Variants in SKI observed in about 807,000 individuals in gnomAD.
SKI encodes the protein ski oncogene.
A neutral mutation model predicts 59.3 loss-of-function variants in SKI; 23 were observed. That is an observed-to-expected ratio of 0.39 (90% CI 0.28 to 0.55). The LOEUF (loss-of-function observed/expected upper bound fraction) is 0.55. SKI is among the 20% of genes least tolerant of loss of function. SKI has a pLI of 0.67. For synonymous variants in SKI, 673 were observed against 488.6 expected, an observed-to-expected ratio of 1.38 and a Z score of -4.98; for missense variants, 1,017 against 1,038.9, an observed-to-expected ratio of 0.98 and a Z score of 0.29.
In SKI at chr1:2,229,687, G is replaced by A. The variant is rs1557807513; in HGVS notation, c.921G>A (p.Val307=). Reference sequence around the variant, plus strand: ...GCCTCGGCCGCTGCCTGGACGACGTGAAGGAGAAATTCGACTATGGCAACA... The same window carrying A: ...GCCTCGGCCGCTGCCTGGACGACGTAAAGGAGAAATTCGACTATGGCAACA... ...QARLGRCLDD[V]KEKFDYGNKY... Residue 307 remains valine (V), a synonymous_variant, in exon 1 of 7, where the codon GTG becomes GTA. Transcript: ENST00000378536. This position sits in a 1 kb window ranked among gnomAD's most constrained non-coding sequence, Gnocchi z 6.3. 2.5e-6 allele frequency: 4 copies of A among 1,601,480 alleles called. No individual in the cohort carries two copies. The highest frequency in any genetic ancestry group is 1.1e-5 in the South Asian group (1 of 89,506).
intron 1 of SKI, among the ~76,000 whole-genome samples, chr1:2,259,646 C>G (rs1253546343): frequency 6.6e-6 from 1 of 152,160 alleles, no homozygotes; most frequent in African/African-American, 2.4e-5. Context: ...ATGTATAAAA[C>G]CCTCGCTGCC....
chr1:2,251,689 G>A (rs1482136019), intron 1 of SKI, among the ~76,000 whole-genome samples: 1 of 152,248 alleles, frequency 6.6e-6, no homozygotes, highest in Non-Finnish European at 1.5e-5. Flanking sequence ...CATGTCACTG[G>A]TGGAACCCAA....
intron 1 of SKI, among the ~76,000 whole-genome samples, chr1:2,291,888 T>C (rs1640170433): frequency 6.6e-6 from 1 of 152,272 alleles, no homozygotes; most frequent in South Asian, 2.1e-4. Context: ...GCTGGTATTC[T>C]CACTTCATTT....
intron 5 of SKI, among the ~76,000 whole-genome samples, chr1:2,305,803 GCTGC>G (rs571005646): frequency 6.6e-6 from 1 of 152,288 alleles, no homozygotes; most frequent in Non-Finnish European, 1.5e-5. Context: ...GTTTAGCACA[GCTGC>G]CACAGGCCTG....
intron 6 of SKI, 128 bp downstream of exon 6, chr1:2,306,378 G>C (rs923961794): frequency 1.9e-6 from 2 of 1,035,508 alleles, no homozygotes; most frequent in Admixed American, 5.4e-5. Flanking sequence ...CGTTCCGTGC[G>C]TGCCCCCCCG....
rs1291872070 is a variant in SKI at position 2,306,524 on chromosome 1, G to A, written c.1999-53G>A. 48 of 1,512,164 alleles carry A rather than the reference G, an allele frequency of 3.2e-5. 1 individual carries two copies. Among genetic ancestry groups the A allele is most frequent in the Middle Eastern group, 4.6e-4 (2 of 4,356 alleles). 93.7% of individuals were successfully genotyped at this position (1,512,164 alleles called of 1,614,324 possible). On this transcript the variant is annotated intron_variant, in intron 6 of 6. Transcript: ENST00000378536. Reference sequence around the variant, plus strand: ...AGCCTCGGGTGGGGGAAGCAGCGTCGGGCCGGGGCAGGGCAGCGAGCAGGC... The same window carrying A: ...AGCCTCGGGTGGGGGAAGCAGCGTCAGGCCGGGGCAGGGCAGCGAGCAGGC...
chr1:2,262,614 C>T lies in SKI; in HGVS notation c.969+32879C>T, dbSNP rs149167386. On this transcript the variant is annotated intron_variant, in intron 1 of 6. Transcript: ENST00000378536. ...GCTCCTGATCTGGATTTGGCACCGT[C>T]GAGTGTGATGGTGCATGTTGGGTTT... Among the ~76,000 whole-genome samples the T allele has an allele frequency of 2.0e-3, 297 of 152,296 alleles. 1 individual carries two copies. Among genetic ancestry groups the T allele is most frequent in the African/African-American group, 6.9e-3 (286 of 41,560 alleles).
At chr1:2,263,348 C>T (rs1269949240) in intron 1 of SKI, among the ~76,000 whole-genome samples, 3 of 151,602 alleles carry the variant, frequency 2.0e-5, no homozygotes, top group African/African-American at 7.3e-5. Flanking sequence ...AGCGATTCTC[C>T]TGTCTCAGCC....
intron 1 of SKI, among the ~76,000 whole-genome samples, chr1:2,245,037 T>C (rs1007779490): frequency 2.0e-5 from 3 of 152,222 alleles, no homozygotes; most frequent in Non-Finnish European, 2.9e-5. Context: ...TTCACGCTGC[T>C]GTTCACCCAC....
chr1:2,255,678 T>C (rs1342617633), intron 1 of SKI, among the ~76,000 whole-genome samples: 1 of 136,992 alleles, frequency 7.3e-6, no homozygotes, highest in Non-Finnish European at 1.6e-5. Flanking sequence ...CCTGTCTGGA[T>C]CTCTCTATGT....
At chr1:2,253,009 G>A (rs1639195506) in intron 1 of SKI, among the ~76,000 whole-genome samples, 1 of 151,350 alleles carries the variant, frequency 6.6e-6, no homozygotes, top group South Asian at 2.1e-4. Context: ...GGCATGAGAA[G>A]AGCTTGAATC....
rs184734360 is a variant in SKI at position 2,263,123 on chromosome 1, A to T, written c.969+33388A>T. ...ACCATGTTGGTCAGGCTGGTCCCGA[A>T]CTCCTGACCTCAAGTGATCTGTCTG... is the stretch of plus-strand genomic sequence containing the variant. On this transcript the variant is annotated intron_variant, in intron 1 of 6. Coordinates refer to ENST00000378536, the MANE Select transcript of SKI (RefSeq NM_003036.4). 2.7e-3 allele frequency among the ~76,000 whole-genome samples: 417 copies of T among 151,966 alleles called. 1 individual carries two copies. Among genetic ancestry groups the T allele is most frequent in the African/African-American group, 9.6e-3 (398 of 41,432 alleles).
intron 1 of SKI, among the ~76,000 whole-genome samples, chr1:2,271,836 C>T (rs1346269130): frequency 6.6e-6 from 1 of 152,272 alleles, no homozygotes; most frequent in South Asian, 2.1e-4. Context: ...TGACATTGTG[C>T]GATGGCCCCA....
chr1:2,303,888 C>T lies in SKI; in HGVS notation c.1260C>T (p.Ala420=). The T allele has an allele frequency of 4.3e-6, 7 of 1,612,394 alleles. No individual in the cohort carries two copies. Among genetic ancestry groups the T allele is most frequent in the Non-Finnish European group, 5.9e-6 (7 of 1,179,808 alleles). ...SFETAVAPNV[A]LAPPAQQKVV... Reference sequence around the variant, plus strand: ...AGACAGCCGTGGCGCCCAACGTGGCCCTCGCACCGCCGGCCCAGCAGAAGG... The same window carrying T: ...AGACAGCCGTGGCGCCCAACGTGGCTCTCGCACCGCCGGCCCAGCAGAAGG... Residue 420 remains alanine, a synonymous_variant, in exon 4 of 7, where the codon GCC becomes GCT. Coordinates refer to ENST00000378536, the MANE Select transcript of SKI (RefSeq NM_003036.4). The surrounding 1 kb of genome is among the most constrained non-coding windows in gnomAD (Gnocchi z 5.6).
chr1:2,300,593 G>A lies in SKI; in HGVS notation c.970-2385G>A, dbSNP rs925052232. 2.0e-5 allele frequency among the ~76,000 whole-genome samples: 3 copies of A among 152,222 alleles called. No homozygotes were observed. In the South Asian group the frequency reaches 6.2e-4, roughly 31 times the overall value. On this transcript the variant is annotated intron_variant, in intron 1 of 6. Transcript: ENST00000378536. The stretch of plus-strand genomic sequence containing the variant: ...GCTTTGAGAAACCAATACTGCTCAG[G>A]TGACAGTCCCTCTGAGAGTGTCACT...
chr1:2,274,687 G>A (rs889620462), intron 1 of SKI, among the ~76,000 whole-genome samples: 16 of 152,238 alleles, frequency 1.1e-4, no homozygotes, highest in African/African-American at 3.9e-4. Context: ...CATGAGCCAT[G>A]ACAGTTGGTT....
rs984448448 is a variant in SKI at position 2,308,532 on chromosome 1, C to T, written c.*1767C>T. ...TAGATCCGTCAGCGGGCATTATTAC[C>T]GTGTCTTGTAAAGGGTCGGTTTTGT... On this transcript the variant is annotated 3_prime_UTR_variant, in exon 7 of 7. Transcript: ENST00000378536. The T allele has an allele frequency of 3.3e-5, 5 of 152,164 alleles. No individual in the cohort carries two copies. Among genetic ancestry groups the T allele is most frequent in the African/African-American group, 7.2e-5 (3 of 41,420 alleles). 9.4% of individuals were successfully genotyped at this position (152,164 alleles called of 1,614,324 possible). A position where few individuals can be genotyped will look rare whatever the true frequency, so the allele number is the denominator to read the frequency against.
At chr1:2,246,374 T>TG (rs1277091299) in intron 1 of SKI, among the ~76,000 whole-genome samples, 1 of 152,188 alleles carries the variant, frequency 6.6e-6, no homozygotes, top group African/African-American at 2.4e-5. Flanking sequence ...GAGTTGTGTG[T>TG]GGGGGCCTTT....
chr1:2,292,873 C>T (rs549496345), intron 1 of SKI, among the ~76,000 whole-genome samples: 1 of 152,186 alleles, frequency 6.6e-6, no homozygotes, highest in Non-Finnish European at 1.5e-5. Flanking sequence ...CAACGCCTGT[C>T]CCTGGCGGGG....
Sources: gnomAD v4.1 joint callset for allele counts (sites outside exome capture counted in the v4.1 genomes callset) on GRCh38, gnomAD v4.1.1 for gene constraint, Gnocchi (gnomAD v3.1) non-coding constraint, MANE v1.5 for transcripts, NCBI Gene and HGNC (gene_info 2026-07-23, HGNC 2026-07-21) for gene names.